Variants in ICA1 observed in about 807,000 individuals in gnomAD.
ICA1 encodes 69 kDa islet cell autoantigen.
Under a neutral mutation model 71.0 loss-of-function variants are expected in ICA1, and 40 were observed. That is an observed-to-expected ratio of 0.56 (90% CI 0.44 to 0.73). The LOEUF (loss-of-function observed/expected upper bound fraction) is 0.73. ICA1 is among the 30% of genes least tolerant of loss of function. The pLI, the probability that ICA1 is intolerant of heterozygous loss-of-function variation, is 0.00. For missense variants in ICA1, 578 were observed against 576.5 expected (o/e 1.00, Z -0.03); for synonymous variants, 207 against 209.5 (o/e 0.99, Z 0.10).
At chr7:8,214,280 A>T (rs3807821) in intron 6 of ICA1, among the ~76,000 whole-genome samples, 64,741 of 152,138 alleles carry the variant, frequency 0.43, 15,945 homozygotes, top group African/African-American at 0.69. Flanking sequence ...AAAGCTCTGC[A>T]GCAAGCTCAC....
chr7:8,219,803 A>T (rs979365305), intron 5 of ICA1, among the ~76,000 whole-genome samples: 1 of 152,194 alleles, frequency 6.6e-6, no homozygotes, highest in Non-Finnish European at 1.5e-5. Flanking sequence ...AAAGACATCA[A>T]GAGTCCTCAG....
Position 8,218,508 on chromosome 7 carries a change from A to G in ICA1, c.381-5T>C, listed in dbSNP as rs769923076. ...AAAGGATTTCGTAAGGCCAACCTAG[A>G]CAAGAGGACAAAGCCACACTCTCAA... On this transcript the variant is annotated splice_polypyrimidine_tract_variant and splice_region_variant and intron_variant, in intron 5 of 13. Transcript: ENST00000402384. The G allele has an allele frequency of 3.1e-6, 5 of 1,613,616 alleles. No individual in the cohort carries two copies. The Admixed American group carries it at 5.0e-5, about 16-fold the overall frequency.
intron 6 of ICA1, among the ~76,000 whole-genome samples, chr7:8,197,489 G>A (rs1051856626): frequency 1.1e-4 from 17 of 148,332 alleles, no homozygotes; most frequent in East Asian, 2.0e-4. Flanking sequence ...GGAGGTGGAG[G>A]TTGCAGTGAT....
At chr7:8,151,644 T>C (rs1798849976) in intron 8 of ICA1, among the ~76,000 whole-genome samples, 2 of 152,364 alleles carry the variant, frequency 1.3e-5, no homozygotes, top group East Asian at 1.9e-4. Context: ...AAAACTATTA[T>C]GGCTTTATTT....
chr7:8,220,815 G>C (rs1411744771), intron 5 of ICA1, among the ~76,000 whole-genome samples: 1 of 152,082 alleles, frequency 6.6e-6, no homozygotes, highest in Non-Finnish European at 1.5e-5. Context: ...CCGGGTTATG[G>C]TCCAGGGTCT....
chr7:8,254,839 C>A (rs1034085470), intron 1 of ICA1, among the ~76,000 whole-genome samples: 1 of 152,122 alleles, frequency 6.6e-6, no homozygotes, highest in Non-Finnish European at 1.5e-5. Context: ...AACACTGAGT[C>A]AACAGCATTA....
chr7:8,243,006 A>G (rs905399224), intron 1 of ICA1, among the ~76,000 whole-genome samples: 7 of 152,216 alleles, frequency 4.6e-5, no homozygotes, highest in African/African-American at 1.7e-4. Context: ...AGCTGGTACC[A>G]TTTCTTCTGA....
intron 1 of ICA1, among the ~76,000 whole-genome samples, chr7:8,261,106 G>A (rs923701103): frequency 2.0e-5 from 3 of 152,174 alleles, no homozygotes; most frequent in Non-Finnish European, 4.4e-5. Flanking sequence ...ACCGTTACCA[G>A]ATCTCGGTTA....
At chr7:8,133,166 G>A (rs763499395) in intron 12 of ICA1, among the ~76,000 whole-genome samples, 44 of 152,126 alleles carry the variant, frequency 2.9e-4, no homozygotes, top group Admixed American at 2.6e-3. Flanking sequence ...GAGCACATTC[G>A]GCCCCCTCAC....
chr7:8,190,845 G>A (rs1296880173), intron 6 of ICA1, among the ~76,000 whole-genome samples: 2 of 152,168 alleles, frequency 1.3e-5, no homozygotes, highest in African/African-American at 2.4e-5. Context: ...ATTTTTCTGG[G>A]CTGAGTGTTT....
intron 13 of ICA1, among the ~76,000 whole-genome samples, chr7:8,122,200 A>C (rs1205978480): frequency 2.0e-5 from 3 of 152,182 alleles, no homozygotes; most frequent in African/African-American, 4.8e-5. Context: ...ATATGGCTGG[A>C]GTCGGGTGTA....
chr7:8,130,334 C>T lies in ICA1; in HGVS notation c.1061-2192G>A, dbSNP rs918838167. ...GGACTGTAAGGTCAGGCAGGTGGCC[C>T]ACCTCTGTGGATGAAGGCAGGAGCT... On this transcript the variant is annotated intron_variant, in intron 12 of 13. Coordinates refer to ENST00000402384, the MANE Select transcript of ICA1 (RefSeq NM_001136020.3). This position sits in a 1 kb window ranked among gnomAD's most constrained non-coding sequence, Gnocchi z 4.2. Among the ~76,000 whole-genome samples, 1 of 152,208 alleles carries T rather than the reference C, an allele frequency of 6.6e-6. No individual in the cohort carries two copies. Among genetic ancestry groups the T allele is most frequent in the Non-Finnish European group, 1.5e-5 (1 of 68,042 alleles).
chr7:8,200,646 T>C (rs1445092708), intron 6 of ICA1, among the ~76,000 whole-genome samples: 1 of 152,150 alleles, frequency 6.6e-6, no homozygotes, highest in Non-Finnish European at 1.5e-5. Context: ...AAAAGAACAC[T>C]TGAATATAGG....
chr7:8,149,475 G>A (rs1373202430), intron 8 of ICA1, among the ~76,000 whole-genome samples: 6 of 152,180 alleles, frequency 3.9e-5, no homozygotes, highest in African/African-American at 1.2e-4. Context: ...GAGGAAACTC[G>A]CAGATCGAGC....
At chr7:8,119,729 C>G (rs1203387115) in intron 13 of ICA1, among the ~76,000 whole-genome samples, 1 of 152,138 alleles carries the variant, frequency 6.6e-6, no homozygotes, top group African/African-American at 2.4e-5. Flanking sequence ...ACCTGTAATC[C>G]TAGCTACTCA....
intron 6 of ICA1, among the ~76,000 whole-genome samples, chr7:8,191,929 T>G (rs1006129952): frequency 1.3e-5 from 2 of 152,104 alleles, no homozygotes; most frequent in African/African-American, 4.8e-5. Context: ...CTGGATACCC[T>G]TCACCCAGAT....
Position 8,234,806 on chromosome 7 carries a change from T to C in ICA1, c.17+1104A>G, listed in dbSNP as rs112321586. On this transcript the variant is annotated intron_variant, in intron 2 of 13. Coordinates refer to ENST00000402384, the MANE Select transcript of ICA1 (RefSeq NM_001136020.3). The surrounding 1 kb of genome is among the most constrained non-coding windows in gnomAD (Gnocchi z 4.5). ...TCTATAGAATATGCACATTAAAAGG[T>C]TGGAAGGATACACTCCAAAGACTGA... Among the ~76,000 whole-genome samples the C allele has an allele frequency of 0.015, 2,271 of 152,130 alleles. 48 individuals carry two copies. Among genetic ancestry groups the C allele is most frequent in the African/African-American group, 0.052 (2,145 of 41,484 alleles).
intron 1 of ICA1, among the ~76,000 whole-genome samples, chr7:8,258,105 C>T (rs1810868110): frequency 6.6e-6 from 1 of 152,110 alleles, no homozygotes; most frequent in South Asian, 2.1e-4. Flanking sequence ...GGGTGGGATG[C>T]CCCCGCCCTG....
intron 6 of ICA1, among the ~76,000 whole-genome samples, chr7:8,164,355 G>A (rs1230194765): frequency 6.9e-6 from 1 of 144,846 alleles, no homozygotes; most frequent in African/African-American, 2.6e-5. Flanking sequence ...CAAGAGGAAA[G>A]ATGTTAGTAG....
Sources: allele counts gnomAD v4.1 joint callset (sites outside exome capture counted in the v4.1 genomes callset), GRCh38; gene constraint gnomAD v4.1.1; non-coding constraint Gnocchi (gnomAD v3.1); transcripts MANE v1.5; gene names NCBI Gene and HGNC (gene_info 2026-07-23, HGNC 2026-07-21).